UBE4B: variants seen among roughly 807,000 people sequenced by gnomAD.
UBE4B encodes the protein ubiquitin conjugation factor E4 B.
UBE4B carries 27 observed loss-of-function variants against 148.1 expected under a neutral mutation model. The observed-to-expected ratio is 0.18, with a 90% CI of 0.13 to 0.25. UBE4B has a LOEUF of 0.25. Among genes scored for constraint, UBE4B ranks in the 10% least tolerant of loss-of-function variants. The pLI is 1.00. For missense variants in UBE4B, 1,170 were observed against 1,662.4 expected (o/e 0.70, Z 5.15); for synonymous variants, 596 against 619.3 (o/e 0.96, Z 0.56).
Position 10,180,070 on chromosome 1 carries a change from AC to A in UBE4B, c.*118del. 7.3e-7 allele frequency: 1 copy of A among 1,362,972 alleles called. No individual in the cohort carries two copies. The highest frequency in any genetic ancestry group is 1.0e-6 in the Non-Finnish European group (1 of 972,808). The allele number at this position is 1,362,972 out of a possible 1,614,324, so 84.4% of individuals were successfully genotyped here. On this transcript the variant is annotated 3_prime_UTR_variant, in exon 28 of 28. Transcript: ENST00000343090. ...GTTGGAGGCCAAATGTGGCAAACCA[AC>A]CCCAGGCCCACCCAGAGCGAGCAAA... is the stretch of plus-strand genomic sequence containing the variant.
rs1644498904 is a variant in UBE4B, at chr1:10,072,204, A to G, written c.201A>G (p.Ile67Met). 1.9e-6 allele frequency: 3 copies of G among 1,612,046 alleles called. No individual in the cohort carries two copies. The highest frequency in any genetic ancestry group is 2.5e-6 in the Non-Finnish European group (3 of 1,179,594). ...VHNMTPATSP[I>M]GASGVAHRSQ... ...ACATGACCCCAGCTACCTCCCCAAT[A>G]GGTGCATCAGGTAAGCCCAAGCTTC... Residue 67 changes from isoleucine to methionine, a missense_variant, in exon 2 of 28, where the codon ATA (isoleucine) becomes ATG (methionine). This residue lies in a region of UBE4B where 127 missense variants were observed against 153.2 expected (regional missense o/e 0.83). Coordinates refer to ENST00000343090, the MANE Select transcript of UBE4B (RefSeq NM_001105562.3).
intron 8 of UBE4B, among the ~76,000 whole-genome samples, chr1:10,118,382 G>C (rs1645350761): frequency 6.6e-6 from 1 of 152,076 alleles, no homozygotes. Context: ...CTCTCACCCA[G>C]GCTGGAGTGC....
intron 1 of UBE4B, among the ~76,000 whole-genome samples, chr1:10,038,878 C>T (rs996006386): frequency 5.3e-5 from 8 of 151,922 alleles, no homozygotes; most frequent in African/African-American, 1.9e-4. Flanking sequence ...AGGCGGATCA[C>T]GTGAAACCCC....
At chr1:10,160,646 A>C (rs1283585641) in intron 22 of UBE4B, among the ~76,000 whole-genome samples, 2 of 152,178 alleles carry the variant, frequency 1.3e-5, no homozygotes, top group African/African-American at 4.8e-5. Context: ...TAAACAATTT[A>C]AAAGAATAAC....
intron 1 of UBE4B, among the ~76,000 whole-genome samples, chr1:10,053,440 C>T (rs1033473455): frequency 2.7e-5 from 4 of 149,398 alleles, no homozygotes; most frequent in Non-Finnish European, 4.4e-5. Flanking sequence ...TGAGCCACTG[C>T]GCCTGGCCTA....
intron 2 of UBE4B, among the ~76,000 whole-genome samples, chr1:10,075,566 G>A (rs775349287): frequency 2.0e-5 from 3 of 152,152 alleles, no homozygotes; most frequent in Non-Finnish European, 4.4e-5. Flanking sequence ...TTCCCTAAAC[G>A]GTTAGTTCTT....
At chr1:10,060,786 G>A (rs900535772) in intron 1 of UBE4B, among the ~76,000 whole-genome samples, 25 of 151,638 alleles carry the variant, frequency 1.6e-4, no homozygotes, top group Admixed American at 1.1e-3. Context: ...TTTGGAGCCA[G>A]TCTCACTCTG....
At chr1:10,060,339 C>CA (rs1184121235) in intron 1 of UBE4B, among the ~76,000 whole-genome samples, 1 of 152,120 alleles carries the variant, frequency 6.6e-6, no homozygotes, top group Non-Finnish European at 1.5e-5. Context: ...ACCTGTACTG[C>CA]ATGTAACTAT....
chr1:10,171,076 T>G, intron 24 of UBE4B, 62 bp from the exon 25 acceptor site: 1 of 1,512,284 alleles, frequency 6.6e-7, no homozygotes, highest in South Asian at 1.3e-5. Flanking sequence ...GAAATGGGAG[T>G]TTTTGGTCCT....
At chr1:10,119,939 G>A (rs1305971609) in intron 9 of UBE4B, among the ~76,000 whole-genome samples, 6 of 152,170 alleles carry the variant, frequency 3.9e-5, no homozygotes, top group African/African-American at 1.4e-4. Context: ...CCTGAAGTTG[G>A]TGGAGGTATT....
intron 1 of UBE4B, among the ~76,000 whole-genome samples, chr1:10,047,482 A>T (rs1288482929): frequency 1.3e-5 from 2 of 148,402 alleles, no homozygotes; most frequent in Middle Eastern, 3.5e-3. Flanking sequence ...AGAAAGCTTC[A>T]TATATCTTTT....
intron 5 of UBE4B, among the ~76,000 whole-genome samples, chr1:10,103,885 C>A (rs1645058964): frequency 6.6e-6 from 1 of 152,136 alleles, no homozygotes; most frequent in Non-Finnish European, 1.5e-5. Context: ...CTTGGCCTCC[C>A]AAAGTGCTGG....
intron 17 of UBE4B, among the ~76,000 whole-genome samples, chr1:10,144,452 A>G (rs1645834751): frequency 1.3e-5 from 2 of 152,184 alleles, no homozygotes; most frequent in Non-Finnish European, 2.9e-5. Context: ...AAAGAAAAAT[A>G]TGGCCCGACG....
intron 21 of UBE4B, among the ~76,000 whole-genome samples, chr1:10,157,896 A>G (rs775006404): frequency 3.9e-5 from 6 of 152,246 alleles, no homozygotes; most frequent in African/African-American, 4.8e-5. Flanking sequence ...TAGGGATGAT[A>G]GACACATTGG....
intron 17 of UBE4B, among the ~76,000 whole-genome samples, chr1:10,138,570 A>C (rs529022783): frequency 6.6e-6 from 1 of 152,134 alleles, no homozygotes; most frequent in African/African-American, 2.4e-5. Flanking sequence ...TAACTCTGCA[A>C]ATTCTTTATG....
chr1:10,169,120 C>T (rs1646300242), intron 24 of UBE4B, among the ~76,000 whole-genome samples: 1 of 152,078 alleles, frequency 6.6e-6, no homozygotes, highest in South Asian at 2.1e-4. Context: ...GTTCCTATTT[C>T]TAAAATTGAA....
intron 21 of UBE4B, among the ~76,000 whole-genome samples, chr1:10,155,754 G>A (rs1646058886): frequency 6.6e-6 from 1 of 152,248 alleles, no homozygotes; most frequent in Non-Finnish European, 1.5e-5. Flanking sequence ...TGGGCGTGGT[G>A]GCTCACGCCT....
At chr1:10,102,228 A>G (rs925432229) in intron 4 of UBE4B, among the ~76,000 whole-genome samples, 7 of 151,950 alleles carry the variant, frequency 4.6e-5, no homozygotes, top group African/African-American at 1.5e-4. Context: ...CTGTGGTGGT[A>G]TGTAATGAGA....
chr1:10,060,198 G>A (rs1019832362), intron 1 of UBE4B, among the ~76,000 whole-genome samples: 1 of 152,080 alleles, frequency 6.6e-6, no homozygotes, highest in Non-Finnish European at 1.5e-5. Context: ...TCTGAGAAAC[G>A]CATCATTATG....
Sources: gnomAD v4.1 joint callset for allele counts (sites outside exome capture counted in the v4.1 genomes callset) on GRCh38, gnomAD v4.1.1 for gene constraint, gnomAD v4.1.1 regional missense constraint, MANE v1.5 for transcripts, NCBI Gene and HGNC (gene_info 2026-07-23, HGNC 2026-07-21) for gene names.